ABCG1: variants seen among roughly 807,000 people sequenced by gnomAD.
ABCG1 encodes ATP-binding cassette sub-family G member 1.
Under a neutral mutation model 69.2 loss-of-function variants are expected in ABCG1, and 29 were observed. The ratio of observed to expected loss-of-function variants is 0.42; its 90% CI spans 0.31 to 0.57. The LOEUF (loss-of-function observed/expected upper bound fraction) is 0.57. Ranked by LOEUF, ABCG1 falls within the 20% of genes least tolerant of loss-of-function variation. The probability of loss-of-function intolerance (pLI) is 0.15; values close to 1 mark genes in which losing one functional copy is unlikely to be tolerated. For missense variants in ABCG1, 718 were observed against 898.1 expected, an observed-to-expected ratio of 0.80 and a Z score of 2.56; for synonymous variants, 370 against 374.8, an observed-to-expected ratio of 0.99 and a Z score of 0.15.
At chr21:42,237,274 T>C (rs1316932651) in intron 2 of ABCG1, among the ~76,000 whole-genome samples, 2 of 152,212 alleles carry the variant, frequency 1.3e-5, no homozygotes, top group Non-Finnish European at 2.9e-5. Flanking sequence ...AGGGCTCTCT[T>C]GGAGCCCTTT....
chr21:42,273,540 C>T lies in ABCG1; in HGVS notation c.537+105C>T, dbSNP rs1051067896. 5.8e-6 allele frequency: 8 copies of T among 1,369,238 alleles called. No individual in the cohort carries two copies. The highest frequency in any genetic ancestry group is 7.9e-6 in the Non-Finnish European group (8 of 1,013,214). 84.8% of individuals were successfully genotyped at this position (1,369,238 alleles called of 1,614,324 possible). A position where few individuals can be genotyped will look rare whatever the true frequency, so the allele number is the denominator to read the frequency against. On this transcript the variant is annotated intron_variant, in intron 4 of 14. Coordinates refer to ENST00000398449, the MANE Select transcript of ABCG1 (RefSeq NM_016818.3). The surrounding 1 kb of genome is among the most constrained non-coding windows in gnomAD (Gnocchi z 5.3). The stretch of plus-strand genomic sequence containing the variant: ...TGCCCAGCTGCGAGGGACCCAAGGG[C>T]TCTGCCACGCGGCCTGCACAGGGCC...
chr21:42,217,204 A>G (rs544402237), upstream of ABCG1, among the ~76,000 whole-genome samples: 1 of 152,256 alleles, frequency 6.6e-6, no homozygotes, highest in South Asian at 2.1e-4. Context: ...TCAATCCCGC[A>G]TAAATCTTCG....
At chr21:42,286,036 T>G (rs1285617503) in intron 8 of ABCG1, 42 bp downstream of exon 8, 1 of 1,396,430 alleles carries the variant, frequency 7.2e-7, no homozygotes, top group East Asian at 2.3e-5. Flanking sequence ...GAAAGGGGAT[T>G]TTCCTCCTCT....
chr21:42,296,353 C>T lies in ABCG1; in HGVS notation c.1962C>T (p.Ala654=). 6.2e-7 allele frequency: 1 copy of T among 1,614,164 alleles called. No homozygotes were observed. The highest frequency in any genetic ancestry group is 8.5e-7 in the Non-Finnish European group (1 of 1,180,030). The part of the protein sequence containing the change: ...GIFFISLRLI[A]YFVLRYKIRA... ...TCTTCATCTCCCTCCGCCTCATTGC[C>T]TATTTTGTCCTCAGGTACAAAATCC... The change falls in exon 15 of 15, where the codon GCC becomes GCT. Residue 654 remains alanine (A), a synonymous_variant. Transcript: ENST00000398449. The surrounding 1 kb of genome is among the most constrained non-coding windows in gnomAD (Gnocchi z 5.4).
chr21:42,279,895 G>A (rs976344787), intron 5 of ABCG1, among the ~76,000 whole-genome samples: 3 of 152,252 alleles, frequency 2.0e-5, no homozygotes, highest in Admixed American at 1.3e-4. Flanking sequence ...ACCCATAGGT[G>A]TGTGTCCTCG....
intron 2 of ABCG1, among the ~76,000 whole-genome samples, chr21:42,244,512 A>G (rs2068103545): frequency 6.6e-6 from 1 of 152,226 alleles, no homozygotes; most frequent in Admixed American, 6.5e-5. Context: ...TCTGCACTGC[A>G]TTTCCTAAAG....
rs56210621 is a variant in ABCG1 at position 42,284,217 on chromosome 21, G to A, written c.735-343G>A. On this transcript the variant is annotated intron_variant, in intron 6 of 14. Coordinates refer to ENST00000398449, the MANE Select transcript of ABCG1 (RefSeq NM_016818.3). ...TTGCAAAGTCCCCCCGCCCAGATGA[G>A]TGGGGACCCCCCCACCTCTGTCCCG... Among the ~76,000 whole-genome samples the A allele has an allele frequency of 2.1e-5, 3 of 142,474 alleles. No individual in the cohort carries two copies. The South Asian group carries it at 7.2e-4, about 34-fold the overall frequency. 93.5% of individuals were successfully genotyped at this position (142,474 alleles called of 152,430 possible).
Position 42,287,279 on chromosome 21 carries a change from C to T in ABCG1, c.974-610C>T, listed in dbSNP as rs1164310041. 1.3e-5 allele frequency among the ~76,000 whole-genome samples: 2 copies of T among 151,972 alleles called. No individual in the cohort carries two copies. Among genetic ancestry groups the T allele is most frequent in the South Asian group, 2.1e-4 (1 of 4,816 alleles). On this transcript the variant is annotated intron_variant, in intron 8 of 14. Transcript: ENST00000398449. This position sits in a 1 kb window ranked among gnomAD's most constrained non-coding sequence, Gnocchi z 6.2. ...CAGGTGGAGGGAGACCTTAGGGGAGCGAGTCTGCAGGTGGAGTGGGGAGGT... is the reference window on the plus strand; with the variant it reads ...CAGGTGGAGGGAGACCTTAGGGGAGTGAGTCTGCAGGTGGAGTGGGGAGGT...
At chr21:42,235,264 C>A (rs1355161152) in intron 2 of ABCG1, among the ~76,000 whole-genome samples, 1 of 152,178 alleles carries the variant, frequency 6.6e-6, no homozygotes, top group Non-Finnish European at 1.5e-5. Flanking sequence ...ATGGAAATGG[C>A]GCTCAAATGC....
intron 2 of ABCG1, chr21:42,259,536 C>T: frequency 6.5e-7 from 1 of 1,531,464 alleles, no homozygotes; most frequent in Non-Finnish European, 8.8e-7. Context: ...TGGCTGGAGT[C>T]ATCATGTGGG....
chr21:42,229,607 C>T (rs2067871416), intron 2 of ABCG1, among the ~76,000 whole-genome samples: 1 of 152,148 alleles, frequency 6.6e-6, no homozygotes, highest in South Asian at 2.1e-4. Flanking sequence ...GTAATCCCAG[C>T]TACTCGGGAG....
chr21:42,295,019 T>C (rs35140177), intron 14 of ABCG1: 7,425 of 223,320 alleles, frequency 0.033, 199 homozygotes, highest in Middle Eastern at 0.071. Context: ...TTGTAAAACC[T>C]TTATAAGAAA....
At chr21:42,271,762 T>C (rs1009493293) in intron 3 of ABCG1, among the ~76,000 whole-genome samples, 3 of 152,124 alleles carry the variant, frequency 2.0e-5, no homozygotes, top group Admixed American at 6.5e-5. Flanking sequence ...GCAGGTGCTA[T>C]AATCCCAGCT....
At chr21:42,260,118 C>A in intron 2 of ABCG1, 3 of 1,550,534 alleles carry the variant, frequency 1.9e-6, no homozygotes. Context: ...TTGGGGGTTT[C>A]CTGGCGATCC....
chr21:42,250,641 C>G (rs2068205013), intron 2 of ABCG1, among the ~76,000 whole-genome samples: 1 of 152,196 alleles, frequency 6.6e-6, no homozygotes, highest in Non-Finnish European at 1.5e-5. Context: ...TTCTTTGGGT[C>G]ACACACACAG....
chr21:42,272,265 G>A (rs2068629959), intron 3 of ABCG1, among the ~76,000 whole-genome samples: 1 of 152,188 alleles, frequency 6.6e-6, no homozygotes, highest in Non-Finnish European at 1.5e-5. Flanking sequence ...GAGGAGTGGA[G>A]TATTCTTGCA....
intron 2 of ABCG1, among the ~76,000 whole-genome samples, chr21:42,250,992 A>G (rs1236448393): frequency 6.6e-6 from 1 of 152,152 alleles, no homozygotes; most frequent in Non-Finnish European, 1.5e-5. Context: ...CAAAGGCAAC[A>G]ACAGAAACGA....
intron 8 of ABCG1, chr21:42,286,246 G>A (rs112508777): frequency 6.7e-5 from 29 of 433,456 alleles, no homozygotes; most frequent in African/African-American, 5.7e-4. Context: ...CTCTCCTGAG[G>A]ACAGCAGTCA....
chr21:42,216,631 C>G (rs180918384), upstream of ABCG1, among the ~76,000 whole-genome samples: 40 of 152,260 alleles, frequency 2.6e-4, no homozygotes, highest in African/African-American at 9.1e-4. Flanking sequence ...AGGCCAGAGC[C>G]GTGGAGACAG....
Sources: allele counts gnomAD v4.1 joint callset (sites outside exome capture counted in the v4.1 genomes callset), GRCh38; gene constraint gnomAD v4.1.1; non-coding constraint Gnocchi (gnomAD v3.1); transcripts MANE v1.5; gene names NCBI Gene and HGNC (gene_info 2026-07-23, HGNC 2026-07-21).